Variants in XPO6 observed in about 807,000 individuals in gnomAD.
The protein encoded by XPO6 is exportin-6.
XPO6 carries 3 observed loss-of-function variants against 130.0 expected under a neutral mutation model. The ratio of observed to expected loss-of-function variants is 0.02; its 90% CI spans 0.01 to 0.06. The LOEUF (loss-of-function observed/expected upper bound fraction) is 0.06, where lower values mean the gene tolerates loss of function less well. Ranked by LOEUF, XPO6 falls within the 10% of genes least tolerant of loss-of-function variation. The pLI, the probability that XPO6 is intolerant of heterozygous loss-of-function variation, is 1.00. For missense variants in XPO6, 970 were observed against 1,393.0 expected (o/e 0.70, Z 4.83); for synonymous variants, 524 against 548.9 (o/e 0.95, Z 0.63).
chr16:28,104,815 T>G (rs917701308), intron 20 of XPO6, 108 bp from the exon 21 acceptor site: 2 of 1,258,998 alleles, frequency 1.6e-6, no homozygotes, highest in Admixed American at 4.2e-5. Context: ...AAGCCGAGTG[T>G]CAACACTCCA....
At chr16:28,099,992 A>G (rs1206053751) in intron 23 of XPO6, among the ~76,000 whole-genome samples, 1 of 150,586 alleles carries the variant, frequency 6.6e-6, no homozygotes, top group Non-Finnish European at 1.5e-5. Context: ...TGATATAACT[A>G]GATTTTTTTT....
At chr16:28,118,927 G>A (rs554275188) in intron 14 of XPO6, among the ~76,000 whole-genome samples, 2 of 152,288 alleles carry the variant, frequency 1.3e-5, no homozygotes, top group South Asian at 4.1e-4. Context: ...CCAAGACCTG[G>A]GGAAAACGGA....
chr16:28,142,287 C>T (rs563417087), intron 9 of XPO6, among the ~76,000 whole-genome samples: 30 of 152,296 alleles, frequency 2.0e-4, no homozygotes, highest in African/African-American at 7.0e-4. Flanking sequence ...TGGTCATCAC[C>T]AGAAGCCAGT....
At position 28,127,424 on chromosome 16, in the gene XPO6, G is replaced by C. The variant is rs567654543; in HGVS notation, c.1607-1576C>G. Reference sequence around the variant, plus strand: ...ACCACAAAATCCCTCGTGGTGAGCAGCTATGTCCAGCAGCCAGCACAGCAG... The same window carrying C: ...ACCACAAAATCCCTCGTGGTGAGCACCTATGTCCAGCAGCCAGCACAGCAG... On this transcript the variant is annotated intron_variant, in intron 12 of 23. Coordinates refer to ENST00000304658, the MANE Select transcript of XPO6 (RefSeq NM_015171.4). Among the ~76,000 whole-genome samples the C allele has an allele frequency of 2.0e-5, 3 of 152,302 alleles. No homozygotes were observed. The South Asian group carries it at 6.2e-4, about 32-fold the overall frequency.
Position 28,211,504 on chromosome 16 carries a change from G to T in XPO6, c.-136C>A. On this transcript the variant is annotated 5_prime_UTR_variant, in exon 1 of 24. Transcript: ENST00000304658. ...GCAAAGACAACCCCTTCCCCACCGG[G>T]CCCCGAGGGGACCCTCTAAAAAGGG... The T allele has an allele frequency of 9.5e-7, 1 of 1,057,840 alleles. No homozygotes were observed. Among genetic ancestry groups the T allele is most frequent in the Non-Finnish European group, 1.2e-6 (1 of 812,420 alleles). 65.5% of individuals were successfully genotyped at this position (1,057,840 alleles called of 1,614,324 possible).
At chr16:28,137,767 C>T (rs574807235) in intron 9 of XPO6, among the ~76,000 whole-genome samples, 5 of 152,100 alleles carry the variant, frequency 3.3e-5, no homozygotes, top group South Asian at 4.2e-4. Context: ...GACTGGTTAC[C>T]GGAGTATACT....
intron 1 of XPO6, among the ~76,000 whole-genome samples, chr16:28,211,007 G>A (rs1310327128): frequency 1.3e-5 from 2 of 152,242 alleles, no homozygotes; most frequent in Non-Finnish European, 2.9e-5. Context: ...TCCGAACAGA[G>A]GGCTGGTGTG....
intron 7 of XPO6, chr16:28,153,737 T>C (rs1343625926): frequency 1.0e-6 from 1 of 985,266 alleles, no homozygotes; most frequent in African/African-American, 1.7e-5. Context: ...GGTAAAGACA[T>C]ACTAGGCCTT....
chr16:28,193,633 T>G (rs2043816172), intron 1 of XPO6, among the ~76,000 whole-genome samples: 1 of 152,140 alleles, frequency 6.6e-6, no homozygotes, highest in Non-Finnish European at 1.5e-5. Flanking sequence ...AGAAAGCAGA[T>G]GGCGCCTTTC....
At chr16:28,141,673 GTCTC>G (rs950605606) in intron 9 of XPO6, among the ~76,000 whole-genome samples, 1 of 152,154 alleles carries the variant, frequency 6.6e-6, no homozygotes, top group Non-Finnish European at 1.5e-5. Flanking sequence ...AGTCCCCACA[GTCTC>G]TCATCAAGAA....
intron 6 of XPO6, among the ~76,000 whole-genome samples, chr16:28,158,628 T>C (rs541534211): frequency 6.6e-6 from 1 of 152,342 alleles, no homozygotes; most frequent in Non-Finnish European, 1.5e-5. Context: ...CTCAGTAATT[T>C]TTTAAGAGTC....
chr16:28,160,576 T>C (rs548513004), intron 6 of XPO6, among the ~76,000 whole-genome samples: 111 of 152,068 alleles, frequency 7.3e-4, no homozygotes, highest in Non-Finnish European at 1.4e-3. Flanking sequence ...GATGCCATTT[T>C]TGTCTTTTTA....
chr16:28,166,666 A>T, intron 5 of XPO6, 81 bp from the exon 6 acceptor site: 1 of 1,540,470 alleles, frequency 6.5e-7, no homozygotes, highest in South Asian at 1.2e-5. Context: ...GTTTCTTGAT[A>T]CCTCTGATCA....
In XPO6 at chr16:28,181,023, T is replaced by C. The variant is rs755222000; in HGVS notation, c.12A>G (p.Glu4=). 4 of 1,611,460 alleles carry C rather than the reference T, an allele frequency of 2.5e-6. No homozygotes were observed. In the African/African-American group the frequency reaches 5.3e-5, roughly 22 times the overall value. The part of the protein sequence containing the change: MAS[E]EASLRALESL... ...TTTCCAATGCCCTGAGAGAGGCTTC[T>C]TCAGATGCCTAACAAAGGAATTTGA... The change falls in exon 2 of 24, where the codon GAA becomes GAG. Residue 4 remains glutamate (E), a synonymous_variant. Transcript: ENST00000304658.
intron 8 of XPO6, among the ~76,000 whole-genome samples, chr16:28,152,244 C>T (rs1166103348): frequency 6.6e-6 from 1 of 152,198 alleles, no homozygotes; most frequent in African/African-American, 2.4e-5. Context: ...ACTACCAAAA[C>T]TTAACTCTTG....
rs71389526 is a variant in XPO6, at chr16:28,149,058, T to TAA, written c.1225-2857_1225-2856dup. On this transcript the variant is annotated intron_variant, in intron 8 of 23. Transcript: ENST00000304658. Reference sequence around the variant, plus strand: ...ACTCTGTCTCCAAAAAAAAAGAAAATAAAAAAAAAAAAAAACAAAAGGAAG... The same window carrying TAA: ...ACTCTGTCTCCAAAAAAAAAGAAAATAAAAAAAAAAAAAAAAACAAAAGGAAG... Among the ~76,000 whole-genome samples, 164 of 107,094 alleles carry TAA rather than the reference T, an allele frequency of 1.5e-3. 2 individuals carry two copies. The highest frequency in any genetic ancestry group is 3.9e-3 in the South Asian group (12 of 3,108). 70.3% of individuals were successfully genotyped at this position (107,094 alleles called of 152,430 possible).
intron 12 of XPO6, among the ~76,000 whole-genome samples, chr16:28,128,060 G>T (rs1268567247): frequency 6.6e-6 from 1 of 152,156 alleles, no homozygotes; most frequent in Non-Finnish European, 1.5e-5. Context: ...CATCACACTG[G>T]TTGTACGAAA....
In XPO6 at chr16:28,108,998, G is replaced by A. The variant is rs955219089; in HGVS notation, c.2342-1321C>T. Among the ~76,000 whole-genome samples the A allele has an allele frequency of 3.9e-5, 6 of 152,266 alleles. No individual in the cohort carries two copies. The East Asian group carries it at 7.7e-4, about 20-fold the overall frequency. On this transcript the variant is annotated intron_variant, in intron 17 of 23. Coordinates refer to ENST00000304658, the MANE Select transcript of XPO6 (RefSeq NM_015171.4). ...CACCCACACTGCTGAGCAGGGAGCC[G>A]TCCACAACTACAAGCACATGGACTT... is the stretch of plus-strand genomic sequence containing the variant.
intron 1 of XPO6, among the ~76,000 whole-genome samples, chr16:28,191,341 G>C (rs947913589): frequency 6.6e-6 from 1 of 152,292 alleles, no homozygotes; most frequent in East Asian, 1.9e-4. Flanking sequence ...ACTGTCTAAA[G>C]TAAGTAATAC....
Sources: allele counts gnomAD v4.1 joint callset (sites outside exome capture counted in the v4.1 genomes callset), GRCh38; gene constraint gnomAD v4.1.1; transcripts MANE v1.5; gene names NCBI Gene and HGNC (gene_info 2026-07-23, HGNC 2026-07-21).